ZMAT4: variants seen among roughly 807,000 people sequenced by gnomAD.
ZMAT4 encodes zinc finger matrin-type protein 4.
ZMAT4 carries 17 observed loss-of-function variants against 28.7 expected under a neutral mutation model. The observed-to-expected ratio is 0.59, with a 90% CI of 0.41 to 0.89. The LOEUF is 0.89. Ranked by LOEUF, ZMAT4 falls within the 40% of genes least tolerant of loss-of-function variation. The pLI, the probability that ZMAT4 is intolerant of heterozygous loss-of-function variation, is 0.00. For synonymous variants in ZMAT4, 117 were observed against 109.2 expected (o/e 1.07, Z -0.44); for missense variants, 240 against 283.8 (o/e 0.85, Z 1.11).
At chr8:40,869,904 C>G (rs1817795118) in intron 1 of ZMAT4, among the ~76,000 whole-genome samples, 1 of 152,112 alleles carries the variant, frequency 6.6e-6, no homozygotes, top group Admixed American at 6.5e-5. Context: ...GTGCTTGTCC[C>G]CTGATCTTTT....
chr8:40,564,632 A>G (rs561189740), intron 6 of ZMAT4, among the ~76,000 whole-genome samples: 1 of 152,342 alleles, frequency 6.6e-6, no homozygotes, highest in East Asian at 1.9e-4. Flanking sequence ...TTGAAATCAC[A>G]TCATAAGGCA....
chr8:40,793,069 A>G (rs1429817130), intron 2 of ZMAT4, among the ~76,000 whole-genome samples: 1 of 152,124 alleles, frequency 6.6e-6, no homozygotes, highest in East Asian at 1.9e-4. Flanking sequence ...TAACACAAAG[A>G]GTGAGCCCTG....
intron 1 of ZMAT4, among the ~76,000 whole-genome samples, chr8:40,873,792 C>T (rs555520730): frequency 6.6e-6 from 1 of 152,294 alleles, no homozygotes; most frequent in East Asian, 1.9e-4. Context: ...TTTTGGAGAA[C>T]GTCCGTCCTC....
chr8:40,883,726 G>A (rs1280745961), intron 1 of ZMAT4, among the ~76,000 whole-genome samples: 5 of 152,144 alleles, frequency 3.3e-5, no homozygotes, highest in Non-Finnish European at 7.4e-5. Flanking sequence ...AACTCCCCCT[G>A]AGCCCAGGCC....
chr8:40,858,308 T>G (rs936484968), intron 1 of ZMAT4, among the ~76,000 whole-genome samples: 8 of 152,180 alleles, frequency 5.3e-5, no homozygotes, highest in Non-Finnish European at 1.2e-4. Flanking sequence ...TGAAACACTC[T>G]TTATATTTTG....
intron 3 of ZMAT4, among the ~76,000 whole-genome samples, chr8:40,722,356 C>T (rs1186690987): frequency 6.6e-6 from 1 of 152,168 alleles, no homozygotes; most frequent in Non-Finnish European, 1.5e-5. Flanking sequence ...TGTCTTAAAG[C>T]CAGGCCATGC....
intron 3 of ZMAT4, among the ~76,000 whole-genome samples, chr8:40,724,384 G>A (rs1314241466): frequency 6.6e-6 from 1 of 152,180 alleles, no homozygotes; most frequent in Non-Finnish European, 1.5e-5. Flanking sequence ...TTGGCTTTCG[G>A]TTCAGTAGTG....
intron 2 of ZMAT4, among the ~76,000 whole-genome samples, chr8:40,787,715 A>T (rs1405160623): frequency 6.6e-6 from 1 of 152,186 alleles, no homozygotes; most frequent in African/African-American, 2.4e-5. Flanking sequence ...TGTGGTCTAC[A>T]AGTGTGACTC....
intron 2 of ZMAT4, among the ~76,000 whole-genome samples, chr8:40,770,851 C>A (rs1422541928): frequency 6.6e-6 from 1 of 152,100 alleles, no homozygotes; most frequent in African/African-American, 2.4e-5. Flanking sequence ...CTAAATGAGA[C>A]TCTGAGACAC....
intron 1 of ZMAT4, among the ~76,000 whole-genome samples, chr8:40,834,058 T>C (rs888638991): frequency 6.6e-6 from 1 of 152,218 alleles, no homozygotes; most frequent in Non-Finnish European, 1.5e-5. Flanking sequence ...TAATTGCCTT[T>C]TAATGGCACC....
chr8:40,682,315 T>A (rs1809207351), intron 4 of ZMAT4, among the ~76,000 whole-genome samples: 1 of 152,248 alleles, frequency 6.6e-6, no homozygotes, highest in South Asian at 2.1e-4. Flanking sequence ...TGCTTTATTA[T>A]TAATTTATTG....
chr8:40,593,778 C>G (rs1378481815), intron 5 of ZMAT4, among the ~76,000 whole-genome samples: 2 of 152,222 alleles, frequency 1.3e-5, no homozygotes, highest in African/African-American at 4.8e-5. Flanking sequence ...CACTCTTTCT[C>G]TCTTACCCTC....
At chr8:40,836,021 A>C (rs570025568) in intron 1 of ZMAT4, among the ~76,000 whole-genome samples, 2 of 152,290 alleles carry the variant, frequency 1.3e-5, no homozygotes, top group African/African-American at 4.8e-5. Context: ...GGGACTCACT[A>C]TCCAGTTTCT....
chr8:40,845,295 T>G (rs529494359), intron 1 of ZMAT4, among the ~76,000 whole-genome samples: 3 of 152,330 alleles, frequency 2.0e-5, no homozygotes, highest in Admixed American at 2.0e-4. Flanking sequence ...GGCATCTTCA[T>G]TATTATTTTC....
At chr8:40,736,100 G>A (rs773629186) in intron 3 of ZMAT4, among the ~76,000 whole-genome samples, 1 of 152,162 alleles carries the variant, frequency 6.6e-6, no homozygotes. Context: ...ATGCTATTCA[G>A]ACCTACAGCC....
chr8:40,855,085 G>A (rs1224766235), intron 1 of ZMAT4, among the ~76,000 whole-genome samples: 1 of 152,140 alleles, frequency 6.6e-6, no homozygotes, highest in Non-Finnish European at 1.5e-5. Context: ...TGAACACAGT[G>A]GCATTCACGG....
chr8:40,661,204 G>C (rs188675770), intron 5 of ZMAT4, among the ~76,000 whole-genome samples: 1 of 152,110 alleles, frequency 6.6e-6, no homozygotes, highest in East Asian at 1.9e-4. Flanking sequence ...AGGTTCAAGC[G>C]ATTCTTTTGT....
intron 5 of ZMAT4, 142 bp downstream of exon 5, chr8:40,674,562 C>T (rs1808825362): frequency 1.6e-6 from 1 of 641,052 alleles, no homozygotes; most frequent in African/African-American, 1.8e-5. Context: ...TGCTCATTTC[C>T]TTTCTTGTCC....
intron 1 of ZMAT4, among the ~76,000 whole-genome samples, chr8:40,874,368 G>A (rs554187857): frequency 4.6e-5 from 7 of 152,344 alleles, no homozygotes; most frequent in African/African-American, 1.4e-4. Context: ...AAGATGGTGG[G>A]TGGTGGCTAT....
Sources: gnomAD v4.1 joint callset for allele counts (sites outside exome capture counted in the v4.1 genomes callset) on GRCh38, gnomAD v4.1.1 for gene constraint, MANE v1.5 for transcripts, NCBI Gene and HGNC (gene_info 2026-07-23, HGNC 2026-07-21) for gene names.